PTPRT: variants seen among roughly 807,000 people sequenced by gnomAD.
PTPRT encodes protein tyrosine phosphatase receptor type T.
A neutral mutation model predicts 176.8 loss-of-function variants in PTPRT; 56 were observed. That is an observed-to-expected ratio of 0.32 (90% CI 0.26 to 0.40). PTPRT has a LOEUF of 0.40. Among genes scored for constraint, PTPRT ranks in the 10% least tolerant of loss-of-function variants. The pLI is 1.00. For missense variants in PTPRT, 1,540 were observed against 1,908.2 expected (o/e 0.81, Z 3.60); for synonymous variants, 783 against 739.0 (o/e 1.06, Z -0.96).
chr20:42,098,631 G>T (rs896425795), intron 26 of PTPRT, 79 bp from the exon 27 acceptor site: 2 of 1,569,110 alleles, frequency 1.3e-6, no homozygotes, highest in Non-Finnish European at 1.7e-6. Context: ...CTGGACTGAG[G>T]CCAGAGGCTC....
intron 1 of PTPRT, among the ~76,000 whole-genome samples, chr20:43,154,273 G>C (rs1003721377): frequency 2.0e-5 from 3 of 152,172 alleles, no homozygotes; most frequent in African/African-American, 4.8e-5. Context: ...TTACTGGCAA[G>C]ACTGTCCTTT....
Position 42,826,992 on chromosome 20 carries a change from T to A in PTPRT, c.215-35526A>T, listed in dbSNP as rs560445118. 2.0e-5 allele frequency among the ~76,000 whole-genome samples: 3 copies of A among 152,204 alleles called. No homozygotes were observed. The East Asian group carries it at 5.8e-4, about 29-fold the overall frequency. On this transcript the variant is annotated intron_variant, in intron 2 of 30. Transcript: ENST00000373187. Reference sequence around the variant, plus strand: ...ATTACATAATTGTAAAGGATTCAATTCAAAAAGAAGACCTAACCTAACCCT... The same window carrying A: ...ATTACATAATTGTAAAGGATTCAATACAAAAAGAAGACCTAACCTAACCCT...
At position 42,857,504 on chromosome 20, in the gene PTPRT, C is replaced by T. The variant is rs141817949; in HGVS notation, c.214+28303G>A. ...GCAAGCATCATCTTGTTCTGTCTGT[C>T]GGCTGTCAGCTTTTCTCTCCGAGCT... On this transcript the variant is annotated intron_variant, in intron 2 of 30. Transcript: ENST00000373187. Among the ~76,000 whole-genome samples, 311 of 152,270 alleles carry T rather than the reference C, an allele frequency of 2.0e-3. 1 individual carries two copies. The highest frequency in any genetic ancestry group is 3.6e-3 in the Non-Finnish European group (244 of 68,032).
At chr20:42,874,270 T>C (rs866024470) in intron 2 of PTPRT, among the ~76,000 whole-genome samples, 7 of 152,274 alleles carry the variant, frequency 4.6e-5, no homozygotes, top group Middle Eastern at 3.4e-3. Flanking sequence ...ACGACTGTTT[T>C]TGTGATGCTT....
At chr20:43,171,283 G>A (rs1206883549) in intron 1 of PTPRT, among the ~76,000 whole-genome samples, 1 of 152,170 alleles carries the variant, frequency 6.6e-6, no homozygotes, top group African/African-American at 2.4e-5. Flanking sequence ...ATTGCTGAAA[G>A]TATCCTAGAA....
chr20:42,424,147 AT>A (rs2059143029), intron 9 of PTPRT, among the ~76,000 whole-genome samples: 1 of 152,110 alleles, frequency 6.6e-6, no homozygotes. Context: ...TAGGTTTTTT[AT>A]TTTTTATTTT....
At chr20:42,170,259 C>T (rs984158047) in intron 16 of PTPRT, among the ~76,000 whole-genome samples, 1 of 152,224 alleles carries the variant, frequency 6.6e-6, no homozygotes, top group African/African-American at 2.4e-5. Context: ...ACTTCCTGTT[C>T]TAGAAGATAA....
chr20:42,140,030 C>G (rs1351455236), intron 18 of PTPRT, among the ~76,000 whole-genome samples: 1 of 152,256 alleles, frequency 6.6e-6, no homozygotes, highest in African/African-American at 2.4e-5. Context: ...ATTAGTTCTA[C>G]CATTCATAGC....
In PTPRT at chr20:42,707,766, C is replaced by A. The variant is rs572714824; in HGVS notation, c.860-29607G>T. 6.6e-5 allele frequency among the ~76,000 whole-genome samples: 10 copies of A among 152,278 alleles called. No homozygotes were observed. The South Asian group carries it at 2.1e-3, about 32-fold the overall frequency. ...CTCAGGAGTTTCAGACCAGCCTGAGCAACACAGCAATACCCCATCTCGAAA... is the reference window on the plus strand; with the variant it reads ...CTCAGGAGTTTCAGACCAGCCTGAGAAACACAGCAATACCCCATCTCGAAA... On this transcript the variant is annotated intron_variant, in intron 6 of 30. Coordinates refer to ENST00000373187, the MANE Select transcript of PTPRT (RefSeq NM_007050.6).
intron 13 of PTPRT, among the ~76,000 whole-genome samples, chr20:42,262,265 G>A (rs1436890995): frequency 6.6e-6 from 1 of 152,232 alleles, no homozygotes; most frequent in Non-Finnish European, 1.5e-5. Flanking sequence ...TCTGCTCTTA[G>A]TGGGAGGTGA....
chr20:42,546,322 T>C (rs575205768), intron 7 of PTPRT, among the ~76,000 whole-genome samples: 3 of 152,260 alleles, frequency 2.0e-5, no homozygotes, highest in African/African-American at 7.2e-5. Flanking sequence ...CTGGATTGGT[T>C]ACAGCTTGGC....
At chr20:42,388,270 C>T (rs930320058) in intron 9 of PTPRT, among the ~76,000 whole-genome samples, 9 of 152,184 alleles carry the variant, frequency 5.9e-5, no homozygotes, top group Non-Finnish European at 1.0e-4. Context: ...CCAAAATTGA[C>T]AAATGGGATC....
At chr20:42,944,066 C>G (rs1980733345) in intron 1 of PTPRT, among the ~76,000 whole-genome samples, 2 of 151,920 alleles carry the variant, frequency 1.3e-5, no homozygotes, top group African/African-American at 4.8e-5. Context: ...AAACAAACCT[C>G]CTTGAAATTA....
intron 9 of PTPRT, among the ~76,000 whole-genome samples, chr20:42,419,303 A>T: frequency 6.6e-6 from 1 of 152,212 alleles, no homozygotes; most frequent in East Asian, 1.9e-4. Context: ...ACATGCACAC[A>T]ATTTGCACGA....
intron 8 of PTPRT, among the ~76,000 whole-genome samples, chr20:42,468,651 A>C (rs75589568): frequency 0.036 from 5,432 of 152,300 alleles, 230 homozygotes; most frequent in African/African-American, 0.099. Context: ...AAGAAGAAAG[A>C]GAGAAGTTAA....
chr20:42,169,443 C>T, intron 16 of PTPRT, among the ~76,000 whole-genome samples: 1 of 151,966 alleles, frequency 6.6e-6, no homozygotes, highest in East Asian at 1.9e-4. Flanking sequence ...TATAAACATC[C>T]ATTGCTCCTC....
At chr20:43,066,565 G>A (rs1489041138) in intron 1 of PTPRT, among the ~76,000 whole-genome samples, 1 of 152,108 alleles carries the variant, frequency 6.6e-6, no homozygotes, top group East Asian at 1.9e-4. Context: ...AGTTATTTCT[G>A]GCTACATTCC....
intron 7 of PTPRT, among the ~76,000 whole-genome samples, chr20:42,650,736 C>A (rs2075014733): frequency 6.6e-6 from 1 of 152,060 alleles, no homozygotes; most frequent in Non-Finnish European, 1.5e-5. Context: ...AATACTTATG[C>A]AAAGATAAAG....
intron 1 of PTPRT, among the ~76,000 whole-genome samples, chr20:43,113,440 C>T (rs573565578): frequency 6.6e-6 from 1 of 152,298 alleles, no homozygotes; most frequent in South Asian, 2.1e-4. Context: ...CACATTGGAT[C>T]CTGCTTGGTT....
Sources: allele counts gnomAD v4.1 joint callset (sites outside exome capture counted in the v4.1 genomes callset), GRCh38; gene constraint gnomAD v4.1.1; transcripts MANE v1.5; gene names NCBI Gene and HGNC (gene_info 2026-07-23, HGNC 2026-07-21).